Variants in ANKFN1 observed in about 807,000 individuals in gnomAD.
ANKFN1 encodes the protein ankyrin repeat and fibronectin type III domain containing 1, also known as ankyrin repeat and fibronectin type-III domain-containing protein 1.
In ANKFN1, 74 loss-of-function variants were observed where a neutral mutation model predicts 108.7. That is an observed-to-expected ratio of 0.68 (90% confidence interval 0.56 to 0.83). ANKFN1 has a LOEUF of 0.83. Among genes scored for constraint, ANKFN1 ranks in the 40% least tolerant of loss-of-function variants. ANKFN1 has a pLI of 0.00. For synonymous variants in ANKFN1, 547 were observed against 516.2 expected (o/e 1.06, Z -0.81); for missense variants, 1,505 against 1,382.3 (o/e 1.09, Z -1.41).
intron 1 of ANKFN1, among the ~76,000 whole-genome samples, chr17:56,195,954 A>T (rs180730087): frequency 2.4e-4 from 37 of 152,338 alleles, no homozygotes; most frequent in Non-Finnish European, 5.1e-4. Flanking sequence ...TAACATAAAA[A>T]GGGATACTTA....
At chr17:56,348,334 G>T (rs948496310) in intron 4 of ANKFN1, among the ~76,000 whole-genome samples, 1 of 151,988 alleles carries the variant, frequency 6.6e-6, no homozygotes, top group East Asian at 1.9e-4. Flanking sequence ...ACTGGGTAGG[G>T]CCTCCTGGAC....
At chr17:56,088,474 C>T (rs1905354931) in intron 4 of ANKFN1, among the ~76,000 whole-genome samples, 1 of 151,006 alleles carries the variant, frequency 6.6e-6, no homozygotes, top group Non-Finnish European at 1.5e-5. Context: ...CATTGGAAGC[C>T]CCCTGAGGCA....
chr17:56,394,191 C>T (rs1208879797), intron 8 of ANKFN1, among the ~76,000 whole-genome samples: 1 of 152,190 alleles, frequency 6.6e-6, no homozygotes, highest in Admixed American at 6.5e-5. Flanking sequence ...AAATCATTTT[C>T]TTTTGTAAGT....
intron 8 of ANKFN1, among the ~76,000 whole-genome samples, chr17:56,401,617 G>A (rs774710369): frequency 1.3e-5 from 2 of 151,868 alleles, no homozygotes; most frequent in Non-Finnish European, 2.9e-5. Context: ...GTAAACAATC[G>A]TATTTTCAGC....
At chr17:56,459,319 C>T (rs2049825261) in intron 14 of ANKFN1, among the ~76,000 whole-genome samples, 1 of 152,140 alleles carries the variant, frequency 6.6e-6, no homozygotes, top group Non-Finnish European at 1.5e-5. Flanking sequence ...CCGTGTAGGC[C>T]AGGCTGGTCT....
chr17:56,445,023 A>ATGAC (rs2049238533), intron 10 of ANKFN1, among the ~76,000 whole-genome samples: 1 of 152,142 alleles, frequency 6.6e-6, no homozygotes, highest in Non-Finnish European at 1.5e-5. Flanking sequence ...CTGGCATTTG[A>ATGAC]TGACTTCATT....
chr17:56,463,047 C>T (rs1439088336), intron 14 of ANKFN1, among the ~76,000 whole-genome samples: 3 of 152,152 alleles, frequency 2.0e-5, no homozygotes, highest in African/African-American at 7.2e-5. Context: ...GCAATTTGCA[C>T]CTTGTTTTCT....
rs1024787817 is a variant in ANKFN1, at chr17:56,399,277, A to C, written c.910+24563A>C. ...ATTTCTAGAATAAAACATGGGAGAAATCTTTTATAACTACAAAAGGAAAGG... is the reference window on the plus strand; with the variant it reads ...ATTTCTAGAATAAAACATGGGAGAACTCTTTTATAACTACAAAAGGAAAGG... On this transcript the variant is annotated intron_variant, in intron 8 of 20. Coordinates refer to ENST00000682825, the MANE Select transcript of ANKFN1 (RefSeq NM_001370326.1). Among the ~76,000 whole-genome samples, 8 of 152,110 alleles carry C rather than the reference A, an allele frequency of 5.3e-5. No individual in the cohort carries two copies. In the East Asian group the frequency reaches 1.5e-3, roughly 29 times the overall value.
At position 56,465,635 on chromosome 17, in the gene ANKFN1, C is replaced by T. The variant is rs577265135; in HGVS notation, c.1558-721C>T. Among the ~76,000 whole-genome samples the T allele has an allele frequency of 2.6e-4, 40 of 152,272 alleles. No homozygotes were observed. The South Asian group carries it at 8.1e-3, about 31-fold the overall frequency. On this transcript the variant is annotated intron_variant, in intron 14 of 20. Coordinates refer to ENST00000682825, the MANE Select transcript of ANKFN1 (RefSeq NM_001370326.1). Reference sequence around the variant, plus strand: ...GTGTTCTAGCTTAGAAATCTTCAAACCCTGCATATTTGTAAAACTCCTGTT... The same window carrying T: ...GTGTTCTAGCTTAGAAATCTTCAAATCCTGCATATTTGTAAAACTCCTGTT...
chr17:56,117,280 A>G (rs1906340511), intron 4 of ANKFN1, among the ~76,000 whole-genome samples: 1 of 152,160 alleles, frequency 6.6e-6, no homozygotes, highest in Admixed American at 6.6e-5. Context: ...AGTGACAAGG[A>G]ATGAAGTATT....
At chr17:56,105,711 C>CTGTGTGTG (rs147924842) in intron 4 of ANKFN1, among the ~76,000 whole-genome samples, 4,462 of 144,582 alleles carry the variant, frequency 0.031, 133 homozygotes, top group African/African-American at 0.078. Context: ...GTTTTTTTGT[C>CTGTGTGTG]TGTGTGTGTG....
chr17:56,134,324 T>G (rs896034584), intron 4 of ANKFN1, among the ~76,000 whole-genome samples: 3 of 152,136 alleles, frequency 2.0e-5, no homozygotes, highest in Non-Finnish European at 4.4e-5. Flanking sequence ...TTAGGGATAT[T>G]TATGGAGGCA....
At chr17:56,131,742 A>G (rs891792253) in intron 4 of ANKFN1, among the ~76,000 whole-genome samples, 5 of 152,166 alleles carry the variant, frequency 3.3e-5, no homozygotes, top group Admixed American at 1.3e-4. Context: ...AGAAAATACT[A>G]TGGTCAGGGG....
chr17:56,130,026 G>A (rs1907180836), intron 4 of ANKFN1, among the ~76,000 whole-genome samples: 3 of 152,198 alleles, frequency 2.0e-5, no homozygotes, highest in South Asian at 2.1e-4. Flanking sequence ...AAATAACCTC[G>A]CTATAGATTA....
intron 20 of ANKFN1, among the ~76,000 whole-genome samples, chr17:56,502,918 C>T (rs1039059122): frequency 6.6e-6 from 1 of 152,164 alleles, no homozygotes; most frequent in Non-Finnish European, 1.5e-5. Flanking sequence ...GGAACTCTTT[C>T]GCTTACTTCC....
At chr17:56,172,002 A>G (rs1910734354) in intron 1 of ANKFN1, among the ~76,000 whole-genome samples, 2 of 152,310 alleles carry the variant, frequency 1.3e-5, no homozygotes, top group South Asian at 4.1e-4. Flanking sequence ...AGGAACAATA[A>G]TAATAATAGC....
At chr17:56,055,580 T>TATATATATATATATATACACACAC (rs1567778618) in intron 4 of ANKFN1, among the ~76,000 whole-genome samples, 1 of 110,640 alleles carries the variant, frequency 9.0e-6, no homozygotes, top group African/African-American at 4.6e-5. Context: ...TATATATATA[T>TATATATATATATATATACACACAC]ATATATATGT....
intron 1 of ANKFN1, among the ~76,000 whole-genome samples, chr17:56,156,393 C>T (rs1441180626): frequency 6.6e-6 from 1 of 152,128 alleles, no homozygotes; most frequent in Non-Finnish European, 1.5e-5. Context: ...CAGCCTGTTT[C>T]CTCACCTCTT....
intron 4 of ANKFN1, among the ~76,000 whole-genome samples, chr17:56,081,344 T>G (rs79293951): frequency 1.0e-4 from 5 of 49,510 alleles, no homozygotes; most frequent in Non-Finnish European, 1.4e-4. Context: ...GTTTATTTAT[T>G]TATTTATTTA....
Sources: gnomAD v4.1 joint callset for allele counts (sites outside exome capture counted in the v4.1 genomes callset) on GRCh38, gnomAD v4.1.1 for gene constraint, MANE v1.5 for transcripts, NCBI Gene and HGNC (gene_info 2026-07-23, HGNC 2026-07-21) for gene names.